The following TYR variants were observed in gnomAD, a reference collection of about 807,000 sequenced individuals.
The protein encoded by TYR is LB24-AB.
In TYR, 58 loss-of-function variants were observed where a neutral mutation model predicts 51.5. That is an observed-to-expected ratio of 1.13 (90% CI 0.91 to 1.40). The LOEUF (loss-of-function observed/expected upper bound fraction) is 1.40, where lower values mean the gene tolerates loss of function less well. TYR is among the 40% of genes most tolerant of loss of function. TYR has a pLI of 0.00. For missense variants in TYR, 732 were observed against 647.4 expected (o/e 1.13, Z -1.42); for synonymous variants, 263 against 235.2 (o/e 1.12, Z -1.08).
chr11:89,273,320 C>T (rs1353306990), intron 3 of TYR, among the ~76,000 whole-genome samples: 1 of 151,612 alleles, frequency 6.6e-6, no homozygotes, highest in African/African-American at 2.4e-5. Context: ...TTCAATATTG[C>T]TATGTGTCAG....
At chr11:89,229,990 T>C (rs1009855284) in intron 3 of TYR, among the ~76,000 whole-genome samples, 1 of 152,082 alleles carries the variant, frequency 6.6e-6, no homozygotes, top group Non-Finnish European at 1.5e-5. Flanking sequence ...ACATATTCAA[T>C]GTAATCCTAT....
intron 1 of TYR, among the ~76,000 whole-genome samples, chr11:89,187,205 C>T (rs1943386257): frequency 6.6e-6 from 1 of 152,108 alleles, no homozygotes; most frequent in Non-Finnish European, 1.5e-5. Context: ...TTCCCTACCC[C>T]CAGCCAAGGC....
At chr11:89,198,771 T>TATATATATATATATATATATATATA (rs1565394780) in intron 2 of TYR, among the ~76,000 whole-genome samples, 1 of 123,344 alleles carries the variant, frequency 8.1e-6, no homozygotes, top group African/African-American at 4.5e-5. Context: ...ATATATATAT[T>TATATATATATATATATATATATATA]TTTATACTTT....
At chr11:89,235,451 A>G in intron 3 of TYR, among the ~76,000 whole-genome samples, 1 of 152,218 alleles carries the variant, frequency 6.6e-6, no homozygotes. Context: ...AAATGGGTAA[A>G]GAAAATACAG....
intron 2 of TYR, among the ~76,000 whole-genome samples, chr11:89,226,698 G>C (rs550721489): frequency 6.6e-6 from 1 of 152,108 alleles, no homozygotes; most frequent in East Asian, 1.9e-4. Context: ...AGTTCTACTT[G>C]TATGAAATAA....
At chr11:89,283,076 A>T (rs1260798915) in intron 3 of TYR, among the ~76,000 whole-genome samples, 2 of 151,862 alleles carry the variant, frequency 1.3e-5, no homozygotes, top group Non-Finnish European at 2.9e-5. Flanking sequence ...TATAGAACTC[A>T]GATTTTTACA....
At chr11:89,265,355 C>A (rs1944513076) in intron 3 of TYR, among the ~76,000 whole-genome samples, 1 of 152,032 alleles carries the variant, frequency 6.6e-6, no homozygotes, top group African/African-American at 2.4e-5. Context: ...TAAGAGTTGT[C>A]ACAACCACTC....
Position 89,228,055 on chromosome 11 carries a change from A to G in TYR, c.1184+85A>G, listed in dbSNP as rs953756410. The stretch of plus-strand genomic sequence containing the variant: ...CAAATGTGATTTAAGTTATTAAATA[A>G]AAGCTAAGAAGTTATGGTAGTCTAT... On this transcript the variant is annotated intron_variant, in intron 3 of 4. Transcript: ENST00000263321. 6.4e-5 allele frequency: 98 copies of G among 1,540,038 alleles called. No individual in the cohort carries two copies. The Middle Eastern group carries it at 1.0e-3, about 16-fold the overall frequency.
At chr11:89,232,567 C>A (rs1246807845) in intron 3 of TYR, among the ~76,000 whole-genome samples, 1 of 141,662 alleles carries the variant, frequency 7.1e-6, no homozygotes, top group East Asian at 2.0e-4. Flanking sequence ...GAAGGAGGGG[C>A]ATAACAGCTG....
chr11:89,294,950 C>T (rs751753669), intron 4 of TYR, among the ~76,000 whole-genome samples, 193 bp from the exon 5 acceptor site: 2 of 152,066 alleles, frequency 1.3e-5, no homozygotes, highest in African/African-American at 2.4e-5. Context: ...GTATTATTTT[C>T]CCATTTTTCT....
chr11:89,275,439 G>A (rs545091097), intron 3 of TYR, among the ~76,000 whole-genome samples: 13 of 151,856 alleles, frequency 8.6e-5, no homozygotes, highest in African/African-American at 3.1e-4. Flanking sequence ...AAAAGTCACA[G>A]GAATCTAAAA....
chr11:89,199,681 T>G (rs1420361714), intron 2 of TYR, among the ~76,000 whole-genome samples: 1 of 152,340 alleles, frequency 6.6e-6, no homozygotes, highest in African/African-American at 2.4e-5. Flanking sequence ...TCCTATTACA[T>G]ACACAAAAAA....
At chr11:89,208,006 C>T (rs7925659) in intron 2 of TYR, among the ~76,000 whole-genome samples, 28,815 of 152,160 alleles carry the variant, frequency 0.19, 3,600 homozygotes, top group African/African-American at 0.36. Flanking sequence ...CGGTGGCTCA[C>T]GCCTGTAATC....
chr11:89,290,058 T>G (rs1261999260), intron 4 of TYR, among the ~76,000 whole-genome samples: 2 of 152,068 alleles, frequency 1.3e-5, no homozygotes, highest in Non-Finnish European at 2.9e-5. Context: ...CATGTGTTTG[T>G]TTTGTGAATA....
At chr11:89,253,291 A>C (rs1944351145) in intron 3 of TYR, among the ~76,000 whole-genome samples, 1 of 151,720 alleles carries the variant, frequency 6.6e-6, no homozygotes, top group African/African-American at 2.4e-5. Flanking sequence ...TTGTTTTTCA[A>C]ATATCTGTTT....
intron 1 of TYR, among the ~76,000 whole-genome samples, chr11:89,185,293 A>G (rs948039325): frequency 1.3e-5 from 2 of 152,154 alleles, no homozygotes; most frequent in African/African-American, 4.8e-5. Context: ...AGGACAGAGT[A>G]GTGACTCAAT....
At chr11:89,188,554 TACTG>T (rs1052347953) in intron 1 of TYR, among the ~76,000 whole-genome samples, 1 of 152,050 alleles carries the variant, frequency 6.6e-6, no homozygotes, top group African/African-American at 2.4e-5. Context: ...GTGGTGTAAA[TACTG>T]ACAATGGTAG....
intron 3 of TYR, among the ~76,000 whole-genome samples, chr11:89,264,735 CAAA>C (rs11453031): frequency 7.4e-6 from 1 of 135,394 alleles, no homozygotes; most frequent in African/African-American, 2.7e-5. Context: ...ACTATGCAGC[CAAA>C]AAAAAAAAAC....
At chr11:89,270,590 C>G (rs1026664806) in intron 3 of TYR, among the ~76,000 whole-genome samples, 1 of 151,854 alleles carries the variant, frequency 6.6e-6, no homozygotes, top group African/African-American at 2.4e-5. Flanking sequence ...AGATTCAACC[C>G]AAAGTCATCA....
Sources: allele counts gnomAD v4.1 joint callset (sites outside exome capture counted in the v4.1 genomes callset), GRCh38; gene constraint gnomAD v4.1.1; transcripts MANE v1.5; gene names NCBI Gene and HGNC (gene_info 2026-07-23, HGNC 2026-07-21).